ATXN1: variants seen among roughly 807,000 people sequenced by gnomAD.
ATXN1 encodes the protein ataxin 1, also known as ataxin-1.
ATXN1 carries 8 observed loss-of-function variants against 56.4 expected under a neutral mutation model. The observed-to-expected ratio is 0.14, with a 90% CI of 0.08 to 0.26. The LOEUF (loss-of-function observed/expected upper bound fraction) is 0.26. Ranked by LOEUF, ATXN1 falls within the 10% of genes least tolerant of loss-of-function variation. The pLI, the probability that ATXN1 is intolerant of heterozygous loss-of-function variation, is 1.00. For missense variants in ATXN1, 987 were observed against 1,106.5 expected (o/e 0.89, Z 1.53); for synonymous variants, 514 against 494.6 (o/e 1.04, Z -0.52).
chr6:16,663,015 C>A (rs1581343284), intron 2 of ATXN1, among the ~76,000 whole-genome samples: 1 of 148,452 alleles, frequency 6.7e-6, no homozygotes, highest in East Asian at 2.0e-4. Flanking sequence ...TCTTGTTGCC[C>A]AGGCTGTAGT....
chr6:16,721,746 T>C (rs966089778), intron 2 of ATXN1, among the ~76,000 whole-genome samples: 4 of 152,220 alleles, frequency 2.6e-5, no homozygotes, highest in African/African-American at 9.6e-5. Context: ...AGCTTATGGC[T>C]TGTTTTCTGT....
intron 2 of ATXN1, among the ~76,000 whole-genome samples, chr6:16,743,917 A>G (rs953172158): frequency 6.6e-6 from 1 of 152,196 alleles, no homozygotes; most frequent in African/African-American, 2.4e-5. Context: ...CTGGAGAGAT[A>G]AGGAAGGTCC....
chr6:16,367,774 AT>A (rs1458818424), intron 6 of ATXN1, among the ~76,000 whole-genome samples: 1 of 150,764 alleles, frequency 6.6e-6, no homozygotes, highest in Non-Finnish European at 1.5e-5. Context: ...CCTAGACTAA[AT>A]TCTTGTTGAC....
At chr6:16,348,599 G>A (rs1761493325) in intron 6 of ATXN1, among the ~76,000 whole-genome samples, 1 of 152,022 alleles carries the variant, frequency 6.6e-6, no homozygotes, top group Non-Finnish European at 1.5e-5. Flanking sequence ...GGAGGCTGAG[G>A]CAGAAGAATC....
At chr6:16,552,394 T>C (rs1761937135) in intron 4 of ATXN1, among the ~76,000 whole-genome samples, 1 of 152,220 alleles carries the variant, frequency 6.6e-6, no homozygotes, top group Admixed American at 6.5e-5. Flanking sequence ...AAGGTATTTT[T>C]CTATTAAAAT....
chr6:16,759,887 G>A (rs955882384), intron 1 of ATXN1, among the ~76,000 whole-genome samples: 2 of 152,134 alleles, frequency 1.3e-5, no homozygotes, highest in Non-Finnish European at 2.9e-5. Flanking sequence ...CTGAAGGCGG[G>A]GGGCTGAAGA....
chr6:16,521,354 TG>T (rs1761285508), intron 5 of ATXN1, among the ~76,000 whole-genome samples: 1 of 152,208 alleles, frequency 6.6e-6, no homozygotes, highest in Non-Finnish European at 1.5e-5. Flanking sequence ...GGTCAGGAGA[TG>T]GAGACCATCC....
chr6:16,443,883 A>G (rs1054903913), intron 6 of ATXN1, among the ~76,000 whole-genome samples: 50 of 152,234 alleles, frequency 3.3e-4, no homozygotes, highest in African/African-American at 1.0e-3. Context: ...TTGGGAGGCC[A>G]AGGAGGGCCG....
At chr6:16,527,597 C>T (rs1392425196) in intron 4 of ATXN1, among the ~76,000 whole-genome samples, 2 of 152,206 alleles carry the variant, frequency 1.3e-5, no homozygotes, top group Non-Finnish European at 2.9e-5. Context: ...AATGCTTCAT[C>T]CCTGGTCCAG....
At chr6:16,553,615 T>C (rs1030590726) in intron 4 of ATXN1, among the ~76,000 whole-genome samples, 4 of 152,214 alleles carry the variant, frequency 2.6e-5, no homozygotes, top group Non-Finnish European at 5.9e-5. Context: ...CTCTCAAAAA[T>C]ATCAGTTGAC....
chr6:16,726,358 G>C (rs1759849177), intron 2 of ATXN1, among the ~76,000 whole-genome samples: 1 of 148,164 alleles, frequency 6.7e-6, no homozygotes, highest in Non-Finnish European at 1.5e-5. Context: ...TCCAGTCTGG[G>C]TGGCAGAGCA....
At position 16,697,401 on chromosome 6, in the gene ATXN1, C is replaced by T. The variant is rs528308424; in HGVS notation, c.-614-39500G>A. Among the ~76,000 whole-genome samples the T allele has an allele frequency of 2.0e-3, 305 of 152,194 alleles. 1 individual carries two copies. The highest frequency in any genetic ancestry group is 6.9e-3 in the African/African-American group (288 of 41,508). Reference sequence around the variant, plus strand: ...TCCCTTCAAATCCCAGTTAAGGAGACGCCATTTAGAATATAGCTGTTGATT... The same window carrying T: ...TCCCTTCAAATCCCAGTTAAGGAGATGCCATTTAGAATATAGCTGTTGATT... On this transcript the variant is annotated intron_variant, in intron 2 of 7. Transcript: ENST00000436367.
intron 3 of ATXN1, among the ~76,000 whole-genome samples, chr6:16,610,935 G>T (rs191674140): frequency 4.8e-4 from 73 of 152,074 alleles, no homozygotes; most frequent in African/African-American, 1.6e-3. Flanking sequence ...GGAGGCTGAG[G>T]TGGGGGATCC....
intron 6 of ATXN1, among the ~76,000 whole-genome samples, chr6:16,435,742 C>T (rs145945138): frequency 1.5e-3 from 226 of 152,198 alleles, no homozygotes; most frequent in African/African-American, 5.3e-3. Flanking sequence ...GCGGTAGAGC[C>T]GTGGTTGAAG....
intron 4 of ATXN1, among the ~76,000 whole-genome samples, chr6:16,576,524 T>C (rs535034310): frequency 1.3e-5 from 2 of 152,352 alleles, no homozygotes; most frequent in East Asian, 3.9e-4. Context: ...AATATGTAAC[T>C]CCTACTATTG....
chr6:16,340,901 C>T (rs939196728), intron 6 of ATXN1, among the ~76,000 whole-genome samples: 1 of 152,130 alleles, frequency 6.6e-6, no homozygotes, highest in African/African-American at 2.4e-5. Context: ...GTCACCAGGG[C>T]CAAAGGCTCA....
intron 6 of ATXN1, among the ~76,000 whole-genome samples, chr6:16,407,409 G>C (rs1758707236): frequency 6.6e-6 from 1 of 152,188 alleles, no homozygotes. Context: ...TCTTCCAATG[G>C]CACATTGAAA....
chr6:16,696,268 G>A (rs1240956084), intron 2 of ATXN1, among the ~76,000 whole-genome samples: 1 of 152,166 alleles, frequency 6.6e-6, no homozygotes, highest in Non-Finnish European at 1.5e-5. Flanking sequence ...AATATGAAAG[G>A]AGATTGAAGA....
chr6:16,335,744 CA>C (rs985368992), intron 6 of ATXN1, among the ~76,000 whole-genome samples: 1 of 152,056 alleles, frequency 6.6e-6, no homozygotes, highest in African/African-American at 2.4e-5. Context: ...AATTCAAAGA[CA>C]AATGTCCTTA....
Sources: allele counts gnomAD v4.1 joint callset (sites outside exome capture counted in the v4.1 genomes callset), GRCh38; gene constraint gnomAD v4.1.1; transcripts MANE v1.5; gene names NCBI Gene and HGNC (gene_info 2026-07-23, HGNC 2026-07-21).